FBLN7: variants seen among roughly 807,000 people sequenced by gnomAD.
FBLN7 encodes the protein fibulin 7, also known as fibulin-7.
Under a neutral mutation model 44.0 loss-of-function variants are expected in FBLN7, and 31 were observed. The ratio of observed to expected loss-of-function variants is 0.70; its 90% CI spans 0.53 to 0.95. The LOEUF (loss-of-function observed/expected upper bound fraction) is 0.95, where lower values mean the gene tolerates loss of function less well. FBLN7 is among the 40% of genes least tolerant of loss of function. The probability of loss-of-function intolerance (pLI) is 0.00; values close to 1 mark genes in which losing one functional copy is unlikely to be tolerated. For synonymous variants in FBLN7, 262 were observed against 253.4 expected (o/e 1.03, Z -0.32); for missense variants, 573 against 618.5 (o/e 0.93, Z 0.78).
At chr2:112,216,180 C>G in the FBLN7 span, 3 of 152,198 alleles carry the variant, frequency 2.0e-5, no homozygotes, top group Non-Finnish European at 4.4e-5. Flanking sequence ...TCCAATCAAT[C>G]AGAAGAGGTT....
At chr2:112,164,847 T>A (rs139469931) in intron 2 of FBLN7, among the ~76,000 whole-genome samples, 154 bp from the exon 3 acceptor site, 73 of 152,274 alleles carry the variant, frequency 4.8e-4, no homozygotes, top group African/African-American at 1.7e-3. Context: ...GAGGACTTGA[T>A]GAGACGCAGC....
At chr2:112,167,771 T>A (rs957058813) in intron 3 of FBLN7, among the ~76,000 whole-genome samples, 2 of 152,182 alleles carry the variant, frequency 1.3e-5, no homozygotes, top group Non-Finnish European at 2.9e-5. Context: ...AATTTTGAAG[T>A]GCTAATGCAT....
intron 2 of FBLN7, among the ~76,000 whole-genome samples, chr2:112,160,337 G>A (rs1347092504): frequency 1.3e-5 from 2 of 152,176 alleles, no homozygotes; most frequent in East Asian, 3.9e-4. Context: ...GGGGGTGGGG[G>A]GAGCACATTA....
the FBLN7 span, chr2:112,231,847 C>T: frequency 6.4e-7 from 1 of 1,572,204 alleles, no homozygotes; most frequent in South Asian, 1.2e-5. Flanking sequence ...CTTTAGCCAA[C>T]AATTCTTGTG....
the FBLN7 span, among the ~76,000 whole-genome samples, chr2:112,207,176 C>T: frequency 8.5e-5 from 13 of 152,062 alleles, no homozygotes; most frequent in Non-Finnish European, 1.3e-4. Flanking sequence ...TTGAAAAGAA[C>T]GTGTATTTGG....
At chr2:112,160,708 ACACACAAGCACG>A (rs1558879730) in intron 2 of FBLN7, among the ~76,000 whole-genome samples, 39 of 149,700 alleles carry the variant, frequency 2.6e-4, no homozygotes, top group Middle Eastern at 3.4e-3. Flanking sequence ...ACGCACGCAC[ACACACAAGCACG>A]CGCACACGCA....
downstream of FBLN7, among the ~76,000 whole-genome samples, chr2:112,190,853 TC>T (rs2104618840): frequency 6.6e-6 from 1 of 152,324 alleles, no homozygotes; most frequent in East Asian, 1.9e-4. Flanking sequence ...CATCATAGTT[TC>T]TTGGCTTTAG....
In FBLN7 at chr2:112,181,740, C is replaced by T. The variant is rs1201263054; in HGVS notation, c.534C>T (p.Ala178=). 1 of 1,382,032 alleles carries T rather than the reference C, an allele frequency of 7.2e-7. No homozygotes were observed. The highest frequency in any genetic ancestry group is 9.3e-7 in the Non-Finnish European group (1 of 1,075,952). The allele number at this position is 1,382,032 out of a possible 1,614,324, so 85.6% of individuals were successfully genotyped here. A position where few individuals can be genotyped will look rare whatever the true frequency, so the allele number is the denominator to read the frequency against. ...ACTGAGCGTGTCTTCTCCCCGCAGCCGCCCCCGAGGGCAGCGTGGCCGGCG... is the reference window on the plus strand; with the variant it reads ...ACTGAGCGTGTCTTCTCCCCGCAGCTGCCCCCGAGGGCAGCGTGGCCGGCG... ...GNRCQHQAQT[A]APEGSVAGDS... Residue 178 remains alanine (A), a splice_region_variant and synonymous_variant, in exon 5 of 8, where the codon GCC becomes GCT. Transcript: ENST00000331203.
intron 1 of FBLN7, among the ~76,000 whole-genome samples, chr2:112,147,769 A>G (rs1168100874): frequency 6.6e-6 from 1 of 152,168 alleles, no homozygotes; most frequent in African/African-American, 2.4e-5. Context: ...CCTTAGGAAA[A>G]TGATTTTTAA....
chr2:112,206,092 T>C, the FBLN7 span, among the ~76,000 whole-genome samples: 3 of 152,306 alleles, frequency 2.0e-5, no homozygotes, highest in South Asian at 4.1e-4. Context: ...TCCTCTTATA[T>C]GGGTTTAGTC....
chr2:112,184,828 CATAT>C (rs991998631), intron 6 of FBLN7, among the ~76,000 whole-genome samples: 7 of 140,546 alleles, frequency 5.0e-5, no homozygotes, highest in Admixed American at 4.9e-4. Context: ...ATACCATATA[CATAT>C]ATATACACAC....
chr2:112,183,013 G>T, intron 6 of FBLN7, 85 bp downstream of exon 6: 1 of 1,517,554 alleles, frequency 6.6e-7, no homozygotes, highest in Non-Finnish European at 8.8e-7. Flanking sequence ...GGAGTGAGGT[G>T]GTTAGGAGAG....
At chr2:112,229,173 ATT>A in the FBLN7 span, among the ~76,000 whole-genome samples, 1 of 152,194 alleles carries the variant, frequency 6.6e-6, no homozygotes, top group Admixed American at 6.5e-5. Flanking sequence ...CAAAAGGGGT[ATT>A]ACAGGTTAGT....
Position 112,156,602 on chromosome 2 carries a change from G to A in FBLN7, c.76-3074G>A, listed in dbSNP as rs576085942. Among the ~76,000 whole-genome samples the A allele has an allele frequency of 1.4e-4, 22 of 152,340 alleles. No individual in the cohort carries two copies. The East Asian group carries it at 4.2e-3, about 29-fold the overall frequency. ...GGCTGCACGGTGCTGGGCAGGTACGGGGTTGCAGGAGGTCGCTCCTGAGTG... is the reference window on the plus strand; with the variant it reads ...GGCTGCACGGTGCTGGGCAGGTACGAGGTTGCAGGAGGTCGCTCCTGAGTG... On this transcript the variant is annotated intron_variant, in intron 1 of 7. Transcript: ENST00000331203.
chr2:112,237,058 C>T, the FBLN7 span, among the ~76,000 whole-genome samples: 1 of 151,990 alleles, frequency 6.6e-6, no homozygotes, highest in African/African-American at 2.4e-5. Context: ...GAGAACCTGT[C>T]GCAAAACAAA....
chr2:112,217,552 T>C, the FBLN7 span, among the ~76,000 whole-genome samples: 6 of 152,244 alleles, frequency 3.9e-5, no homozygotes, highest in African/African-American at 1.4e-4. Context: ...ATATTGTGCA[T>C]TGTTTATTTA....
At chr2:112,150,684 G>A (rs139865141) in intron 1 of FBLN7, among the ~76,000 whole-genome samples, 1 of 152,290 alleles carries the variant, frequency 6.6e-6, no homozygotes, top group East Asian at 1.9e-4. Flanking sequence ...TCTGGGGCAA[G>A]TTCCTGCCCC....
At chr2:112,185,463 G>A (rs879666043) in intron 7 of FBLN7, 124 bp downstream of exon 7, 166 of 1,320,546 alleles carry the variant, frequency 1.3e-4, no homozygotes, top group Non-Finnish European at 1.6e-4. Flanking sequence ...GCAGGAGGCT[G>A]GGAGGCTGGT....
At chr2:112,224,965 G>GT in the FBLN7 span, among the ~76,000 whole-genome samples, 2 of 152,154 alleles carry the variant, frequency 1.3e-5, no homozygotes, top group Non-Finnish European at 2.9e-5. Flanking sequence ...TAGATCTTCA[G>GT]TGTCTCTCGG....
Sources: allele counts gnomAD v4.1 joint callset (sites outside exome capture counted in the v4.1 genomes callset), GRCh38; gene constraint gnomAD v4.1.1; transcripts MANE v1.5; gene names NCBI Gene and HGNC (gene_info 2026-07-23, HGNC 2026-07-21).